The following WDR7 variants were observed in gnomAD, a reference collection of about 807,000 sequenced individuals.
WDR7 encodes the protein WD repeat-containing protein 7.
A neutral mutation model predicts 169.4 loss-of-function variants in WDR7; 46 were observed. The ratio of observed to expected loss-of-function variants is 0.27; its 90% confidence interval spans 0.21 to 0.35. The LOEUF is 0.35. Ranked by LOEUF, WDR7 falls within the 10% of genes least tolerant of loss-of-function variation. The pLI, the probability that WDR7 is intolerant of heterozygous loss-of-function variation, is 1.00. For missense variants in WDR7, 1,534 were observed against 1,859.3 expected (o/e 0.83, Z 3.22); for synonymous variants, 612 against 666.8 (o/e 0.92, Z 1.27).
chr18:56,929,099 T>C (rs2046845621), intron 22 of WDR7, among the ~76,000 whole-genome samples: 1 of 151,734 alleles, frequency 6.6e-6, no homozygotes, highest in Non-Finnish European at 1.5e-5. Context: ...CTGGGCAACA[T>C]AGTGAGAACC....
chr18:56,751,896 T>C (rs2043798613), intron 14 of WDR7, among the ~76,000 whole-genome samples: 1 of 152,218 alleles, frequency 6.6e-6, no homozygotes, highest in Admixed American at 6.5e-5. Flanking sequence ...GTTTTCTACA[T>C]GCTCAGTGCT....
intron 26 of WDR7, among the ~76,000 whole-genome samples, chr18:57,003,896 C>T (rs2048018693): frequency 6.6e-6 from 1 of 151,964 alleles, no homozygotes. Context: ...ACAAGCTATA[C>T]TCTCCTTCCT....
At chr18:56,933,684 G>A (rs936758145) in intron 22 of WDR7, among the ~76,000 whole-genome samples, 1 of 152,122 alleles carries the variant, frequency 6.6e-6, no homozygotes, top group Admixed American at 6.5e-5. Context: ...CCTCTCCCCC[G>A]TGTATTGTCT....
At chr18:56,754,664 A>G (rs962515054) in intron 14 of WDR7, among the ~76,000 whole-genome samples, 1 of 152,148 alleles carries the variant, frequency 6.6e-6, no homozygotes, top group African/African-American at 2.4e-5. Context: ...ATTCTGCAAT[A>G]TTTATTATAT....
chr18:56,843,235 A>C (rs1026396892), intron 20 of WDR7, among the ~76,000 whole-genome samples: 1 of 152,182 alleles, frequency 6.6e-6, no homozygotes, highest in Non-Finnish European at 1.5e-5. Flanking sequence ...TTATTGTGCC[A>C]TTTAAATTAT....
intron 18 of WDR7, 23 bp from the exon 19 acceptor site, chr18:56,781,510 T>A: frequency 6.4e-7 from 1 of 1,556,208 alleles, no homozygotes; most frequent in Non-Finnish European, 8.7e-7. Flanking sequence ...TTTCTGCTTT[T>A]ACATTTGGGT....
intron 1 of WDR7, chr18:56,651,943 TG>T: frequency 6.6e-6 from 1 of 152,478 alleles, no homozygotes; most frequent in South Asian, 2.1e-4. Flanking sequence ...TGCTTGCTTT[TG>T]GGGTTCATAT....
intron 2 of WDR7, among the ~76,000 whole-genome samples, chr18:56,677,200 C>T (rs2144549601): frequency 6.6e-6 from 1 of 152,206 alleles, no homozygotes; most frequent in Middle Eastern, 3.4e-3. Context: ...TTTTGTTTGT[C>T]TAGAAAGTCT....
chr18:56,766,326 A>G (rs1029369436), intron 16 of WDR7, among the ~76,000 whole-genome samples: 10 of 152,096 alleles, frequency 6.6e-5, no homozygotes, highest in African/African-American at 2.4e-4. Flanking sequence ...ATTTCTTCAA[A>G]TATTCATTCT....
At chr18:56,988,985 T>C (rs572651825) in intron 26 of WDR7, among the ~76,000 whole-genome samples, 72 of 152,070 alleles carry the variant, frequency 4.7e-4, no homozygotes, top group Non-Finnish European at 7.5e-4. Flanking sequence ...CAGAAAAAAA[T>C]TGAATTATCT....
At chr18:56,653,292 C>A (rs1451811254) in intron 1 of WDR7, among the ~76,000 whole-genome samples, 1 of 152,058 alleles carries the variant, frequency 6.6e-6, no homozygotes, top group Non-Finnish European at 1.5e-5. Flanking sequence ...CTGCAACCTC[C>A]CCATCCCGGG....
At position 56,939,299 on chromosome 18, in the gene WDR7, T is replaced by A. The variant is rs7238404; in HGVS notation, c.3982-12T>A. 2.7e-4 allele frequency: 402 copies of A among 1,500,024 alleles called. 1 individual carries two copies. The African/African-American group carries it at 5.2e-3, about 19-fold the overall frequency. 92.9% of individuals were successfully genotyped at this position (1,500,024 alleles called of 1,614,324 possible). On this transcript the variant is annotated splice_polypyrimidine_tract_variant and intron_variant, in intron 24 of 27. Transcript: ENST00000254442. The stretch of plus-strand genomic sequence containing the variant: ...TTGAAATTAATTTTAAATCTGTTCT[T>A]TTCTGTCAAAGGTTATGGACATCAT...
intron 20 of WDR7, among the ~76,000 whole-genome samples, chr18:56,820,475 AT>A (rs1239606453): frequency 1.3e-5 from 2 of 150,752 alleles, no homozygotes; most frequent in Non-Finnish European, 2.9e-5. Flanking sequence ...TTTTTGATGC[AT>A]TTTTTGTTAA....
intron 12 of WDR7, 89 bp from the exon 13 acceptor site, chr18:56,717,875 T>C (rs934649585): frequency 2.3e-6 from 3 of 1,285,498 alleles, no homozygotes; most frequent in Non-Finnish European, 3.1e-6. Context: ...AGCAAATGTA[T>C]AATTAATTTT....
chr18:56,988,635 G>A (rs904517497), intron 26 of WDR7, among the ~76,000 whole-genome samples: 28 of 138,400 alleles, frequency 2.0e-4, no homozygotes, highest in Non-Finnish European at 3.8e-4. Flanking sequence ...GTGTGTGTGT[G>A]TATAGAGTCG....
At chr18:56,670,566 A>G (rs552188667) in intron 1 of WDR7, among the ~76,000 whole-genome samples, 49 of 152,282 alleles carry the variant, frequency 3.2e-4, no homozygotes, top group African/African-American at 1.1e-3. Flanking sequence ...GCTGGAATGC[A>G]GTGGCGCGAT....
At chr18:56,656,935 C>T (rs572373782) in intron 1 of WDR7, among the ~76,000 whole-genome samples, 73 of 152,084 alleles carry the variant, frequency 4.8e-4, no homozygotes, top group African/African-American at 1.5e-3. Flanking sequence ...GAATGGTATA[C>T]TATTTTTTAA....
At chr18:56,680,173 A>C (rs1197390227) in intron 3 of WDR7, among the ~76,000 whole-genome samples, 1 of 152,150 alleles carries the variant, frequency 6.6e-6, no homozygotes, top group Non-Finnish European at 1.5e-5. Flanking sequence ...CCTGAGCAAC[A>C]TGTTAAAACC....
chr18:57,027,081 G>C lies in WDR7; in HGVS notation c.4347G>C (p.Val1449=). ...TGCGCTGCATTAAAACCTACCAGGT[G>C]CCCCCTGTGCAGCCCGCGTCCCCCG... ...PQLRCIKTYQ[V]PPVQPASPGS... The change falls in exon 28 of 28, where the codon GTG becomes GTC. Residue 1449 remains valine (V), a synonymous_variant. Transcript: ENST00000254442. The C allele has an allele frequency of 6.2e-7, 1 of 1,614,176 alleles. No individual in the cohort carries two copies. The highest frequency in any genetic ancestry group is 8.5e-7 in the Non-Finnish European group (1 of 1,180,044).
Sources: allele counts gnomAD v4.1 joint callset (sites outside exome capture counted in the v4.1 genomes callset), GRCh38; gene constraint gnomAD v4.1.1; transcripts MANE v1.5; gene names NCBI Gene and HGNC (gene_info 2026-07-23, HGNC 2026-07-21).